The following MYH3 variants were observed in gnomAD, a reference collection of about 807,000 sequenced individuals.
MYH3 encodes myosin heavy chain 3.
MYH3 carries 130 observed loss-of-function variants against 238.0 expected under a neutral mutation model. The ratio of observed to expected loss-of-function variants is 0.55; its 90% confidence interval spans 0.47 to 0.63. MYH3 has a LOEUF of 0.63. Among genes scored for constraint, MYH3 ranks in the 30% least tolerant of loss-of-function variants. The pLI is 0.00. For missense variants in MYH3, 1,853 were observed against 2,374.9 expected (o/e 0.78, Z 4.57); for synonymous variants, 880 against 924.1 (o/e 0.95, Z 0.86).
chr17:10,671,327 T>G, the MYH3 span, among the ~76,000 whole-genome samples: 5 of 152,174 alleles, frequency 3.3e-5, no homozygotes, highest in African/African-American at 7.2e-5. Context: ...AATAAATGCA[T>G]AAAGATGGAA....
the MYH3 span, chr17:10,674,522 T>G: frequency 4.4e-6 from 1 of 225,398 alleles, no homozygotes; most frequent in Non-Finnish European, 8.9e-6. Context: ...ACCCCAGTGG[T>G]GTGACACTGC....
At position 10,640,345 on chromosome 17, in the gene MYH3, A is replaced by T. The variant is rs1464881583; in HGVS notation, c.2414T>A (p.Met805Lys). Residue 805 changes from methionine to lysine, a missense_variant, in exon 21 of 41, where the codon ATG becomes AAG. Coordinates refer to ENST00000583535, the MANE Select transcript of MYH3 (RefSeq NM_002470.4). ...GACCCTGCTGGACCTCCTCTGCACC[A>T]TCTTCTGGAATTCCACACGCATGAG... ...GFLMRVEFQK[M>K]VQRRESIFCI... 6.2e-7 allele frequency: 1 copy of T among 1,614,178 alleles called. No homozygotes were observed. The highest frequency in any genetic ancestry group is 8.5e-7 in the Non-Finnish European group (1 of 1,180,028).
At chr17:10,639,246 G>A in intron 24 of MYH3, 52 bp downstream of exon 24, 3 of 1,613,680 alleles carry the variant, frequency 1.9e-6, no homozygotes, top group South Asian at 1.1e-5. Context: ...GACCCTTGAG[G>A]GCTCTTCCAA....
chr17:10,657,489 A>G (rs1210312347), upstream of MYH3, among the ~76,000 whole-genome samples: 1 of 152,024 alleles, frequency 6.6e-6, no homozygotes, highest in East Asian at 1.9e-4. Flanking sequence ...ATCCATCACC[A>G]TTTTCCGACC....
chr17:10,645,867 G>A lies in MYH3; in HGVS notation c.1003-22C>T, dbSNP rs2239933. The A allele has an allele frequency of 0.67, 1,087,834 of 1,613,298 alleles. 379,272 individuals carry two copies. Among genetic ancestry groups the A allele is most frequent in the Non-Finnish European group, 0.73 (860,620 of 1,179,730 alleles). ...CGCTCTGGCATGGAAAGGGCAGCAC[G>A]TCAGTCAGTTGGCCCCAGTGATGGA... On this transcript the variant is annotated intron_variant, in intron 11 of 40. Coordinates refer to ENST00000583535, the MANE Select transcript of MYH3 (RefSeq NM_002470.4).
Position 10,652,715 on chromosome 17 carries a change from G to A in MYH3, c.205-152C>T, listed in dbSNP as rs139969302. ...CGGCTCACTGCAAGCTCCACCTCCC[G>A]GGTTCACACCATTCTTCTGCCTCAG... On this transcript the variant is annotated intron_variant, in intron 3 of 40. Transcript: ENST00000583535. 0.044 allele frequency: 36,943 copies of A among 841,856 alleles called. 1,379 individuals are homozygous for A. The highest frequency in any genetic ancestry group is 0.13 in the African/African-American group (7,202 of 55,952). 52.1% of individuals were successfully genotyped at this position (841,856 alleles called of 1,614,324 possible). A position where few individuals can be genotyped will look rare whatever the true frequency, so the allele number is the denominator to read the frequency against.
intron 4 of MYH3, chr17:10,651,998 C>A: frequency 2.5e-6 from 1 of 392,958 alleles, no homozygotes; most frequent in South Asian, 2.3e-5. Flanking sequence ...GCCTTACCCT[C>A]CCAAAGTGCT....
chr17:10,640,803 G>T (rs1333511020), intron 19 of MYH3, 117 bp from the exon 20 acceptor site: 2 of 1,320,856 alleles, frequency 1.5e-6, no homozygotes, highest in Admixed American at 2.0e-5. Context: ...GGAGATGAGG[G>T]AACTAGCTCG....
intron 7 of MYH3, 33 bp from the exon 8 acceptor site, chr17:10,648,682 CA>C (rs2074346233): frequency 6.9e-7 from 1 of 1,439,796 alleles, no homozygotes; most frequent in Admixed American, 1.8e-5. Flanking sequence ...GAAGAGGAAA[CA>C]TTTTTTTTTG....
At chr17:10,640,797 A>G (rs751471589) in intron 19 of MYH3, 111 bp from the exon 20 acceptor site, 5 of 1,366,270 alleles carry the variant, frequency 3.7e-6, no homozygotes, top group Non-Finnish European at 5.1e-6. Context: ...GTCCCAGGAG[A>G]TGAGGGAACT....
At chr17:10,659,609 G>T (rs942805819), upstream of MYH3, among the ~76,000 whole-genome samples, 1 of 152,222 alleles carries the variant, frequency 6.6e-6, no homozygotes, top group South Asian at 2.1e-4. Flanking sequence ...AGAGGCATTC[G>T]TCTGTAGGGC....
Position 10,645,855 on chromosome 17 carries a change from A to C in MYH3, c.1003-10T>G, listed in dbSNP as rs1195483985. The C allele has an allele frequency of 2.5e-6, 4 of 1,613,906 alleles. No individual in the cohort carries two copies. The South Asian group carries it at 4.4e-5, about 18-fold the overall frequency. On this transcript the variant is annotated splice_polypyrimidine_tract_variant and intron_variant, in intron 11 of 40. Coordinates refer to ENST00000583535, the MANE Select transcript of MYH3 (RefSeq NM_002470.4). ...GGATGTCAATGGCGCTCTGGCATGG[A>C]AAGGGCAGCACGTCAGTCAGTTGGC... is the stretch of plus-strand genomic sequence containing the variant.
intron 8 of MYH3, among the ~76,000 whole-genome samples, chr17:10,648,290 C>T (rs2074342677): frequency 6.6e-6 from 1 of 152,158 alleles, no homozygotes; most frequent in Non-Finnish European, 1.5e-5. Context: ...GGCTCTTTCT[C>T]ATACTGCGGC....
chr17:10,629,772 C>T (rs1410998883), intron 39 of MYH3, 38 bp from the exon 40 acceptor site: 14 of 1,614,076 alleles, frequency 8.7e-6, no homozygotes, highest in East Asian at 2.2e-5. Context: ...TATCAGCACG[C>T]GCCTCTCTCA....
In MYH3 at chr17:10,630,097, A is replaced by G. The variant is rs767862287; in HGVS notation, c.5557T>C (p.Tyr1853His). The G allele has an allele frequency of 6.2e-7, 1 of 1,613,794 alleles. No homozygotes were observed. Among genetic ancestry groups the G allele is most frequent in the Non-Finnish European group, 8.5e-7 (1 of 1,179,694 alleles). ...KYERRVKELTYQSEEDRKNVL... is the reference protein window; with the variant it reads ...KYERRVKELTHQSEEDRKNVL... ...GGCGTTTGCGTTCCACTTACCTGGT[A>G]CGTCAGCTCCTTGACCCTCCGCTCA... The change falls in exon 38 of 41, where the codon TAC (tyrosine) becomes CAC (histidine). Residue 1853 changes from tyrosine to histidine, a missense_variant. Transcript: ENST00000583535.
At position 10,641,111 on chromosome 17, in the gene MYH3, C is replaced by A. The variant is rs781691679; in HGVS notation, c.2139G>T (p.Arg713Ser). Residue 713 changes from arginine to serine, a missense_variant, in exon 19 of 41, where the codon AGG becomes AGT. Around this residue, in one of 3 missense-constraint regions of MYH3, gnomAD observed 678 missense variants for 1,058.9 expected, o/e 0.64. Coordinates refer to ENST00000583535, the MANE Select transcript of MYH3 (RefSeq NM_002470.4). Reference protein sequence around the residue: ...IRICRKGFPNRILYGDFKQRY... With the variant: ...IRICRKGFPNSILYGDFKQRY... ...TTTGTTTAAAATCGCCATAGAGAAT[C>A]CTGTTTGGGAACCCTTTCCTGCAGA... 2 of 1,612,194 alleles carry A rather than the reference C, an allele frequency of 1.2e-6. No individual in the cohort carries two copies. Among genetic ancestry groups the A allele is most frequent in the Non-Finnish European group, 1.7e-6 (2 of 1,178,914 alleles).
Position 10,654,801 on chromosome 17 carries a change from C to T in MYH3, c.204+60G>A. 1 of 1,527,696 alleles carries T rather than the reference C, an allele frequency of 6.5e-7. No homozygotes were observed. Among genetic ancestry groups the T allele is most frequent in the South Asian group, 1.1e-5 (1 of 89,362 alleles). 94.6% of individuals were successfully genotyped at this position (1,527,696 alleles called of 1,614,324 possible). A position where few individuals can be genotyped will look rare whatever the true frequency, so the allele number is the denominator to read the frequency against. On this transcript the variant is annotated intron_variant, in intron 3 of 40. Coordinates refer to ENST00000583535, the MANE Select transcript of MYH3 (RefSeq NM_002470.4). The surrounding 1 kb of genome is among the most constrained non-coding windows in gnomAD (Gnocchi z 4.5). Reference sequence around the variant, plus strand: ...GGCTGGGGTTGGGCAGATGCATACCCCAGGCAAGCACAAGGACCAGGTGGA... The same window carrying T: ...GGCTGGGGTTGGGCAGATGCATACCTCAGGCAAGCACAAGGACCAGGTGGA...
chr17:10,653,806 C>T (rs569793184), intron 3 of MYH3, among the ~76,000 whole-genome samples: 87 of 152,314 alleles, frequency 5.7e-4, no homozygotes, highest in African/African-American at 2.1e-3. Context: ...CCCTGGCTGT[C>T]TATGATGGTC....
chr17:10,668,542 A>G, the MYH3 span, among the ~76,000 whole-genome samples: 1 of 152,214 alleles, frequency 6.6e-6, no homozygotes, highest in Non-Finnish European at 1.5e-5. Flanking sequence ...GAAAGGAAAA[A>G]AAGAACAATC....
Sources: allele counts gnomAD v4.1 joint callset (sites outside exome capture counted in the v4.1 genomes callset), GRCh38; gene constraint gnomAD v4.1.1; regional missense constraint gnomAD v4.1.1; non-coding constraint Gnocchi (gnomAD v3.1); transcripts MANE v1.5; gene names NCBI Gene and HGNC (gene_info 2026-07-23, HGNC 2026-07-21).